Variants in LINGO1 observed in about 807,000 individuals in gnomAD.
LINGO1 encodes the protein leucine rich repeat and Ig domain containing 1.
Under a neutral mutation model 37.3 loss-of-function variants are expected in LINGO1, and 11 were observed. That is an observed-to-expected ratio of 0.29 (90% confidence interval 0.19 to 0.49). The LOEUF (loss-of-function observed/expected upper bound fraction) is 0.49. Among genes scored for constraint, LINGO1 ranks in the 20% least tolerant of loss-of-function variants. The pLI is 0.99. For missense variants in LINGO1, 585 were observed against 878.2 expected, an observed-to-expected ratio of 0.67 and a Z score of 4.22; for synonymous variants, 387 against 403.0, an observed-to-expected ratio of 0.96 and a Z score of 0.48.
chr15:77,799,556 T>C (rs1326832986), intron 1 of LINGO1, among the ~76,000 whole-genome samples: 2 of 152,162 alleles, frequency 1.3e-5, no homozygotes, highest in Non-Finnish European at 2.9e-5. Flanking sequence ...ACTCAAAGAA[T>C]GTGGGCCCCA....
intron 1 of LINGO1, among the ~76,000 whole-genome samples, chr15:77,691,822 C>T (rs889191957): frequency 2.0e-5 from 3 of 152,086 alleles, no homozygotes; most frequent in Admixed American, 1.3e-4. Flanking sequence ...GTAATGTTTT[C>T]GTGACAATAA....
At chr15:77,799,730 G>A (rs113257334) in intron 1 of LINGO1, among the ~76,000 whole-genome samples, 97 of 152,214 alleles carry the variant, frequency 6.4e-4, no homozygotes, top group Non-Finnish European at 1.9e-4. Flanking sequence ...TCTGACGGAA[G>A]GAACACAAGT....
At chr15:77,743,572 G>A (rs1048313676) in intron 1 of LINGO1, among the ~76,000 whole-genome samples, 1 of 152,200 alleles carries the variant, frequency 6.6e-6, no homozygotes, top group Non-Finnish European at 1.5e-5. Context: ...TGGGCACAGA[G>A]TAGGGAATGA....
intron 1 of LINGO1, among the ~76,000 whole-genome samples, chr15:77,769,607 G>A (rs1015835807): frequency 6.6e-6 from 1 of 152,178 alleles, no homozygotes; most frequent in Non-Finnish European, 1.5e-5. Context: ...AAGGATGGAG[G>A]CAGGAGGATT....
upstream of LINGO1, among the ~76,000 whole-genome samples, chr15:77,638,074 A>G (rs762616366): frequency 3.9e-5 from 6 of 152,262 alleles, no homozygotes; most frequent in Non-Finnish European, 8.8e-5. Flanking sequence ...CCTACTGGGA[A>G]TCTCACTGGG....
chr15:77,783,351 T>C (rs1268287094), intron 1 of LINGO1, among the ~76,000 whole-genome samples: 2 of 151,966 alleles, frequency 1.3e-5, no homozygotes, highest in Non-Finnish European at 2.9e-5. Context: ...TGAATGAAGG[T>C]GTGAATGAAA....
intron 1 of LINGO1, among the ~76,000 whole-genome samples, chr15:77,764,779 T>C (rs564880993): frequency 1.9e-4 from 29 of 152,318 alleles, no homozygotes; most frequent in African/African-American, 7.0e-4. Context: ...AAGCTGAAGA[T>C]ACATGTATCC....
upstream of LINGO1, among the ~76,000 whole-genome samples, chr15:77,791,311 T>C (rs1339950878): frequency 6.6e-6 from 1 of 151,924 alleles, no homozygotes; most frequent in South Asian, 2.1e-4. Context: ...CCAGACAGGA[T>C]AGCTCACCAC....
intron 1 of LINGO1, among the ~76,000 whole-genome samples, chr15:77,806,387 G>A (rs1412484732): frequency 6.6e-6 from 1 of 152,188 alleles, no homozygotes; most frequent in African/African-American, 2.4e-5. Context: ...GAGGAGAGGC[G>A]AGGAAGAGGG....
chr15:77,716,794 T>G (rs1332946730), intron 2 of LINGO1, among the ~76,000 whole-genome samples: 3 of 150,206 alleles, frequency 2.0e-5, no homozygotes, highest in Non-Finnish European at 4.4e-5. Flanking sequence ...ATAAGATCCC[T>G]TTGTAATGGT....
chr15:77,702,617 C>A (rs2075799042), intron 2 of LINGO1, among the ~76,000 whole-genome samples: 1 of 152,220 alleles, frequency 6.6e-6, no homozygotes, highest in East Asian at 1.9e-4. Context: ...GAAACTGAGG[C>A]TCAGACCAAA....
At chr15:77,615,949 G>A (rs1241402846) in intron 1 of LINGO1, 49 bp from the exon 2 acceptor site, 1 of 1,370,184 alleles carries the variant, frequency 7.3e-7, no homozygotes, top group East Asian at 2.5e-5. Flanking sequence ...AGGGGGCAGT[G>A]TGTGTCTGGA....
intron 1 of LINGO1, among the ~76,000 whole-genome samples, chr15:77,616,864 C>T (rs115700989): frequency 0.013 from 1,987 of 152,344 alleles, 45 homozygotes; most frequent in African/African-American, 0.044. Context: ...GAAGTGTTTT[C>T]TGTTACCCAA....
upstream of LINGO1, among the ~76,000 whole-genome samples, chr15:77,638,355 A>G (rs1274129201): frequency 6.6e-6 from 1 of 152,206 alleles, no homozygotes; most frequent in African/African-American, 2.4e-5. Flanking sequence ...GCTGTTCTTA[A>G]GAAGTCAAGG....
rs10581838 is a variant in LINGO1, at chr15:77,682,277, A to AGTGTGTGTGTGTGTGTGTGTGTGT, written c.-98-5127_-98-5104dup. On this transcript the variant is annotated intron_variant, in intron 2 of 3. Coordinates refer to the LINGO1 transcript ENST00000559893. ...ATACTCATATGGCAGTAGAGATTAA[A>AGTGTGTGTGTGTGTGTGTGTGTGT]GTGTGTGTGTGTGTGTGTGTGTGTG... Among the ~76,000 whole-genome samples, 262 of 139,914 alleles carry AGTGTGTGTGTGTGTGTGTGTGTGT rather than the reference A, an allele frequency of 1.9e-3. 1 individual carries two copies. Among genetic ancestry groups the AGTGTGTGTGTGTGTGTGTGTGTGT allele is most frequent in the African/African-American group, 2.7e-3 (98 of 36,586 alleles). 91.8% of individuals were successfully genotyped at this position (139,914 alleles called of 152,430 possible).
chr15:77,657,698 C>T (rs1027086217), intron 3 of LINGO1, among the ~76,000 whole-genome samples: 2 of 152,074 alleles, frequency 1.3e-5, no homozygotes, highest in Non-Finnish European at 2.9e-5. Flanking sequence ...CAAGCTGCTT[C>T]CTCTGAGGAT....
chr15:77,775,794 TG>T (rs2076631493), intron 1 of LINGO1, among the ~76,000 whole-genome samples: 1 of 151,710 alleles, frequency 6.6e-6, no homozygotes, highest in Non-Finnish European at 1.5e-5. Context: ...CAGCTTGGCC[TG>T]TCTCTGAGGT....
chr15:77,712,055 C>T (rs1240715423), intron 2 of LINGO1, among the ~76,000 whole-genome samples: 4 of 152,184 alleles, frequency 2.6e-5, no homozygotes, highest in Non-Finnish European at 2.9e-5. Context: ...TGCCTTCGAA[C>T]TTCCTGGCCA....
chr15:77,632,982 G>A (rs1173426768), upstream of LINGO1, among the ~76,000 whole-genome samples: 2 of 151,556 alleles, frequency 1.3e-5, no homozygotes, highest in African/African-American at 2.4e-5. The surrounding 1 kb of genome is among the most constrained non-coding windows in gnomAD (Gnocchi z 6.0). Context: ...GCCGGGCGGG[G>A]GAGGAGAAGG....
Sources: allele counts gnomAD v4.1 joint callset (sites outside exome capture counted in the v4.1 genomes callset), GRCh38; gene constraint gnomAD v4.1.1; non-coding constraint Gnocchi (gnomAD v3.1); transcripts MANE v1.5; gene names NCBI Gene and HGNC (gene_info 2026-07-23, HGNC 2026-07-21).